The following PPP4R4 variants were observed in gnomAD, a reference collection of about 807,000 sequenced individuals.
PPP4R4 encodes serine/threonine-protein phosphatase 4 regulatory subunit 4.
A neutral mutation model predicts 121.8 loss-of-function variants in PPP4R4; 70 were observed. That is an observed-to-expected ratio of 0.57 (90% confidence interval 0.47 to 0.70). The LOEUF (loss-of-function observed/expected upper bound fraction) is 0.70, where lower values mean the gene tolerates loss of function less well. Ranked by LOEUF, PPP4R4 falls within the 30% of genes least tolerant of loss-of-function variation. The probability of loss-of-function intolerance (pLI) is 0.00; values close to 1 mark genes in which losing one functional copy is unlikely to be tolerated. For missense variants in PPP4R4, 875 were observed against 1,033.6 expected (o/e 0.85, Z 2.10); for synonymous variants, 348 against 355.7 (o/e 0.98, Z 0.24).
intron 2 of PPP4R4, among the ~76,000 whole-genome samples, chr14:94,183,914 T>C (rs2139384694): frequency 6.6e-6 from 1 of 151,940 alleles, no homozygotes; most frequent in Admixed American, 6.6e-5. Context: ...TATAAAGCAA[T>C]ATAAAATAAA....
intron 2 of PPP4R4, among the ~76,000 whole-genome samples, chr14:94,202,676 A>C (rs1275056478): frequency 6.6e-6 from 1 of 152,118 alleles, no homozygotes; most frequent in Non-Finnish European, 1.5e-5. Context: ...ACATTAACTG[A>C]TTTCAAAAAT....
intron 19 of PPP4R4, among the ~76,000 whole-genome samples, chr14:94,264,555 T>C: frequency 6.6e-6 from 1 of 152,194 alleles, no homozygotes; most frequent in East Asian, 1.9e-4. Flanking sequence ...CATTTACCAA[T>C]CTGAAATTGA....
intron 6 of PPP4R4, 29 bp downstream of exon 6, chr14:94,233,788 A>G (rs779991214): frequency 1.3e-5 from 18 of 1,386,238 alleles, no homozygotes; most frequent in Non-Finnish European, 1.7e-5. Flanking sequence ...TTTTCGGTCT[A>G]CTTTATTACA....
At chr14:94,198,865 C>A (rs1225647530) in intron 2 of PPP4R4, among the ~76,000 whole-genome samples, 1 of 152,164 alleles carries the variant, frequency 6.6e-6, no homozygotes, top group African/African-American at 2.4e-5. Context: ...ACTTTCTGTT[C>A]TTTTCCATTG....
At chr14:94,234,072 A>G (rs142605321) in intron 6 of PPP4R4, among the ~76,000 whole-genome samples, 38 of 152,302 alleles carry the variant, frequency 2.5e-4, no homozygotes, top group Non-Finnish European at 4.7e-4. Context: ...CAGCGGCATA[A>G]AGATAGAATT....
At chr14:94,201,023 G>GAAAGAA (rs1890151119) in intron 2 of PPP4R4, among the ~76,000 whole-genome samples, 1 of 152,036 alleles carries the variant, frequency 6.6e-6, no homozygotes, top group African/African-American at 2.4e-5. Flanking sequence ...TTGGTAAGTT[G>GAAAGAA]TGTCACTATT....
chr14:94,251,193 C>T (rs1468482276), intron 15 of PPP4R4, among the ~76,000 whole-genome samples: 1 of 151,792 alleles, frequency 6.6e-6, no homozygotes, highest in Non-Finnish European at 1.5e-5. Flanking sequence ...AAATATTGAC[C>T]TGAATTATTG....
intron 3 of PPP4R4, among the ~76,000 whole-genome samples, chr14:94,229,397 G>C (rs965447872): frequency 6.6e-6 from 1 of 152,082 alleles, no homozygotes; most frequent in Non-Finnish European, 1.5e-5. Flanking sequence ...TGAGCAGCTG[G>C]AATGGCAGAG....
At chr14:94,259,208 C>A in intron 18 of PPP4R4, 87 bp from the exon 19 acceptor site, 1 of 1,509,006 alleles carries the variant, frequency 6.6e-7, no homozygotes, top group Middle Eastern at 1.8e-4. Context: ...CAGAGTCAAA[C>A]CATATCATTT....
At chr14:94,202,717 G>A (rs928070704) in intron 2 of PPP4R4, among the ~76,000 whole-genome samples, 1 of 152,292 alleles carries the variant, frequency 6.6e-6, no homozygotes, top group East Asian at 1.9e-4. Flanking sequence ...GGTGGCTCAC[G>A]CCTGTAATCC....
intron 5 of PPP4R4, among the ~76,000 whole-genome samples, chr14:94,232,892 A>C (rs1892122094): frequency 6.6e-6 from 1 of 152,030 alleles, no homozygotes; most frequent in African/African-American, 2.4e-5. Context: ...CCCCGTCTCT[A>C]CTAAAAATAC....
At chr14:94,224,095 A>G (rs572291834) in intron 3 of PPP4R4, among the ~76,000 whole-genome samples, 2 of 152,308 alleles carry the variant, frequency 1.3e-5, no homozygotes, top group East Asian at 1.9e-4. Context: ...ATAAGGGGAG[A>G]TAGGAAAGCA....
chr14:94,193,797 A>T (rs1889724122), intron 2 of PPP4R4, among the ~76,000 whole-genome samples: 1 of 152,218 alleles, frequency 6.6e-6, no homozygotes, highest in Non-Finnish European at 1.5e-5. Context: ...TTTCCAGATA[A>T]TATCCAGCCT....
chr14:94,194,149 A>G (rs889405699), intron 2 of PPP4R4, among the ~76,000 whole-genome samples: 1 of 152,220 alleles, frequency 6.6e-6, no homozygotes, highest in Admixed American at 6.5e-5. Flanking sequence ...ATAATTAGTA[A>G]CATTAATTTA....
At chr14:94,194,342 C>T (rs1275353264) in intron 2 of PPP4R4, among the ~76,000 whole-genome samples, 1 of 152,068 alleles carries the variant, frequency 6.6e-6, no homozygotes, top group Non-Finnish European at 1.5e-5. Flanking sequence ...AGAAAAGGAG[C>T]ATGTCCCAAA....
intron 2 of PPP4R4, among the ~76,000 whole-genome samples, chr14:94,194,633 T>C (rs1046986448): frequency 6.6e-6 from 1 of 152,192 alleles, no homozygotes; most frequent in Non-Finnish European, 1.5e-5. Flanking sequence ...TTCTTTTGTT[T>C]GTTTTTTTCT....
intron 12 of PPP4R4, among the ~76,000 whole-genome samples, chr14:94,245,284 C>G (rs1480730428): frequency 2.0e-5 from 3 of 152,076 alleles, no homozygotes; most frequent in Non-Finnish European, 4.4e-5. Flanking sequence ...AACAACGTTT[C>G]GAAAGTTTGG....
In PPP4R4 at chr14:94,231,208, G is replaced by A. The variant is rs368190796; in HGVS notation, c.443-34G>A. The A allele has an allele frequency of 1.4e-5, 22 of 1,540,676 alleles. 1 individual carries two copies. Among genetic ancestry groups the A allele is most frequent in the South Asian group, 4.6e-5 (4 of 87,792 alleles). ...GTTGAAACTGAATTTGAAGTGAGACGTTTAATTTAGTATGTTTTATCTCTG... is the reference window on the plus strand; with the variant it reads ...GTTGAAACTGAATTTGAAGTGAGACATTTAATTTAGTATGTTTTATCTCTG... On this transcript the variant is annotated intron_variant, in intron 4 of 24. Transcript: ENST00000304338.
At chr14:94,264,159 G>C (rs35628668) in intron 19 of PPP4R4, among the ~76,000 whole-genome samples, 24,027 of 152,038 alleles carry the variant, frequency 0.16, 2,019 homozygotes, top group Middle Eastern at 0.24. Context: ...ATTTATGTAT[G>C]TATATTTGAG....
Sources: gnomAD v4.1 joint callset for allele counts (sites outside exome capture counted in the v4.1 genomes callset) on GRCh38, gnomAD v4.1.1 for gene constraint, MANE v1.5 for transcripts, NCBI Gene and HGNC (gene_info 2026-07-23, HGNC 2026-07-21) for gene names.